The following INPP4A variants were observed in gnomAD, a reference collection of about 807,000 sequenced individuals.
INPP4A encodes the protein inositol polyphosphate-4-phosphatase, type I, 107kD.
In INPP4A, 33 loss-of-function variants were observed where a neutral mutation model predicts 119.8. The observed-to-expected ratio is 0.28, with a 90% CI of 0.21 to 0.37. The LOEUF (loss-of-function observed/expected upper bound fraction) is 0.37. Ranked by LOEUF, INPP4A falls within the 10% of genes least tolerant of loss-of-function variation. INPP4A has a pLI of 1.00. For synonymous variants in INPP4A, 496 were observed against 500.7 expected, an observed-to-expected ratio of 0.99 and a Z score of 0.12; for missense variants, 956 against 1,289.9, an observed-to-expected ratio of 0.74 and a Z score of 3.97.
chr2:98,483,231 C>T (rs1020382325), intron 1 of INPP4A, among the ~76,000 whole-genome samples: 2 of 152,214 alleles, frequency 1.3e-5, no homozygotes, highest in Admixed American at 6.5e-5. Context: ...CCCACCTTCT[C>T]TCTAGGTTAC....
chr2:98,494,131 G>C (rs1008392804), intron 1 of INPP4A, among the ~76,000 whole-genome samples: 3 of 152,184 alleles, frequency 2.0e-5, no homozygotes, highest in African/African-American at 7.2e-5. Context: ...CATGAGAGAA[G>C]CTATGAAGAG....
chr2:98,517,723 C>A (rs1686416533), intron 1 of INPP4A, among the ~76,000 whole-genome samples: 1 of 152,160 alleles, frequency 6.6e-6, no homozygotes, highest in African/African-American at 2.4e-5. Context: ...ATTTGGATTG[C>A]TTTATTATTA....
At chr2:98,484,921 A>G (rs946068983) in intron 1 of INPP4A, among the ~76,000 whole-genome samples, 7 of 152,060 alleles carry the variant, frequency 4.6e-5, no homozygotes, top group African/African-American at 1.4e-4. Context: ...TTTATGGTAT[A>G]AAATCCTTTA....
Position 98,563,646 on chromosome 2 carries a change from C to A in INPP4A, c.2028+9C>A. 2 of 1,611,686 alleles carry A rather than the reference C, an allele frequency of 1.2e-6. No homozygotes were observed. The highest frequency in any genetic ancestry group is 1.7e-6 in the Non-Finnish European group (2 of 1,179,692). ...TGGTCTTCTGCCAGACGGTAGGCCCCGGGAGCACCCCGAGGGAGACCACGG... is the reference window on the plus strand; with the variant it reads ...TGGTCTTCTGCCAGACGGTAGGCCCAGGGAGCACCCCGAGGGAGACCACGG... On this transcript the variant is annotated intron_variant, in intron 18 of 24. Transcript: ENST00000409851.
In INPP4A at chr2:98,573,109, T is replaced by C. The variant is rs150449176; in HGVS notation, c.2631+182T>C. On this transcript the variant is annotated intron_variant, in intron 23 of 24. Transcript: ENST00000409851. ...TGAACAGTTCACAGAGTCCATTCCTTTGGGGCTGCCTGAATTCTGATAAGC... is the reference window on the plus strand; with the variant it reads ...TGAACAGTTCACAGAGTCCATTCCTCTGGGGCTGCCTGAATTCTGATAAGC... 3.7e-4 allele frequency among the ~76,000 whole-genome samples: 57 copies of C among 152,256 alleles called. No homozygotes were observed. In the East Asian group the frequency reaches 9.5e-3, roughly 25 times the overall value.
intron 1 of INPP4A, among the ~76,000 whole-genome samples, chr2:98,494,261 A>G (rs1681456622): frequency 6.6e-6 from 1 of 152,220 alleles, no homozygotes. Flanking sequence ...TGCAGAGGCT[A>G]AATTCCAGGA....
chr2:98,494,503 T>C (rs538109052), intron 1 of INPP4A, among the ~76,000 whole-genome samples: 15 of 152,096 alleles, frequency 9.9e-5, no homozygotes, highest in Non-Finnish European at 1.5e-4. Flanking sequence ...TCTAGAACAG[T>C]GACTCCAACA....
intron 24 of INPP4A, among the ~76,000 whole-genome samples, chr2:98,585,761 T>G (rs1699882987): frequency 6.6e-6 from 1 of 152,246 alleles, no homozygotes; most frequent in African/African-American, 2.4e-5. Context: ...AGTATAATCT[T>G]TATTAGAATT....
chr2:98,503,817 C>T (rs1334148099), intron 1 of INPP4A, among the ~76,000 whole-genome samples: 1 of 152,208 alleles, frequency 6.6e-6, no homozygotes, highest in African/African-American at 2.4e-5. Flanking sequence ...CTGTCTTCTG[C>T]CCTGGTCCCT....
In INPP4A at chr2:98,520,055, G is replaced by A. The variant is rs865939829; in HGVS notation, c.7G>A (p.Ala3Thr). 3 of 1,581,564 alleles carry A rather than the reference G, an allele frequency of 1.9e-6. No homozygotes were observed. The highest frequency in any genetic ancestry group is 2.6e-6 in the Non-Finnish European group (3 of 1,162,240). Residue 3 changes from alanine to threonine, a missense_variant, in exon 3 of 25, where the codon GCA becomes ACA. Transcript: ENST00000409851. MTAREHSPRHGAR... is the reference protein window; with the variant it reads MTTREHSPRHGAR... ...CATCATCACCAATGACATCATGACA[G>A]CAAGAGAGCACAGCCCTCGCCATGG...
intron 5 of INPP4A, among the ~76,000 whole-genome samples, chr2:98,533,760 G>A (rs1199597785): frequency 6.6e-6 from 1 of 152,192 alleles, no homozygotes; most frequent in Non-Finnish European, 1.5e-5. Flanking sequence ...TCATTGCCTT[G>A]TAAGAGGTAA....
intron 1 of INPP4A, among the ~76,000 whole-genome samples, chr2:98,507,319 G>A (rs1684263935): frequency 6.6e-6 from 1 of 152,192 alleles, no homozygotes; most frequent in Non-Finnish European, 1.5e-5. Flanking sequence ...TTGTTTAAAT[G>A]TTCTAAACAA....
chr2:98,457,927 A>G (rs959445899), intron 1 of INPP4A, among the ~76,000 whole-genome samples: 2 of 151,960 alleles, frequency 1.3e-5, no homozygotes, highest in Non-Finnish European at 2.9e-5. Flanking sequence ...CAGCCTCCCA[A>G]TTAGCAAGGA....
At chr2:98,579,617 AC>A (rs1698981259) in intron 24 of INPP4A, among the ~76,000 whole-genome samples, 1 of 151,812 alleles carries the variant, frequency 6.6e-6, no homozygotes, top group African/African-American at 2.4e-5. Context: ...CTTTCCTGTC[AC>A]TCTTGTGAGG....
At chr2:98,553,091 G>A (rs1693822659) in intron 14 of INPP4A, 122 bp downstream of exon 14, 2 of 786,708 alleles carry the variant, frequency 2.5e-6, no homozygotes, top group Non-Finnish European at 4.0e-6. Flanking sequence ...TGACTTTGAA[G>A]GTCTACCTTA....
intron 1 of INPP4A, among the ~76,000 whole-genome samples, chr2:98,494,846 A>G (rs568719397): frequency 6.6e-6 from 1 of 152,340 alleles, no homozygotes; most frequent in Admixed American, 6.5e-5. Flanking sequence ...ACAATAGAGC[A>G]ATCAGGCAGC....
At chr2:98,513,954 C>T (rs889235965) in intron 1 of INPP4A, among the ~76,000 whole-genome samples, 3 of 152,188 alleles carry the variant, frequency 2.0e-5, no homozygotes, top group African/African-American at 4.8e-5. Context: ...CCTGAAGCCC[C>T]CAAGGGTCCC....
At chr2:98,523,684 G>A (rs993264072) in intron 4 of INPP4A, among the ~76,000 whole-genome samples, 2 of 152,166 alleles carry the variant, frequency 1.3e-5, no homozygotes, top group East Asian at 1.9e-4. Context: ...GTGAGCCACC[G>A]CGCCTGGCCA....
At chr2:98,528,342 T>G (rs1417269726) in intron 4 of INPP4A, among the ~76,000 whole-genome samples, 1 of 152,176 alleles carries the variant, frequency 6.6e-6, no homozygotes, top group Non-Finnish European at 1.5e-5. Flanking sequence ...CAATTGAGAT[T>G]ATCCAGTCTG....
Sources: gnomAD v4.1 joint callset for allele counts (sites outside exome capture counted in the v4.1 genomes callset) on GRCh38, gnomAD v4.1.1 for gene constraint, MANE v1.5 for transcripts, NCBI Gene and HGNC (gene_info 2026-07-23, HGNC 2026-07-21) for gene names.